The following COPG2 variants were observed in gnomAD, a reference collection of about 807,000 sequenced individuals.
COPG2 encodes the protein coat protein complex I subunit gamma 2.
Under a neutral mutation model 46.3 loss-of-function variants are expected in COPG2, and 37 were observed. The observed-to-expected ratio is 0.80, with a 90% CI of 0.61 to 1.05. The LOEUF is 1.05. COPG2 is among the 50% of genes least tolerant of loss of function. The pLI is 0.00. For synonymous variants in COPG2, 159 were observed against 129.7 expected (o/e 1.23, Z -1.53); for missense variants, 427 against 387.8 (o/e 1.10, Z -0.85).
At chr7:130,596,540 A>T (rs1794528801) in intron 9 of COPG2, among the ~76,000 whole-genome samples, 1 of 152,182 alleles carries the variant, frequency 6.6e-6, no homozygotes, top group Non-Finnish European at 1.5e-5. Flanking sequence ...GCAAAGCCCC[A>T]GGGGCCATGG....
intron 9 of COPG2, among the ~76,000 whole-genome samples, chr7:130,583,787 C>A (rs1166788326): frequency 4.7e-5 from 5 of 106,252 alleles, no homozygotes; most frequent in African/African-American, 1.9e-4. Context: ...AGACTGGCAA[C>A]AGAGCGAGAC....
At chr7:130,509,641 C>T (rs372120525) in intron 20 of COPG2, 207 of 511,564 alleles carry the variant, frequency 4.0e-4, no homozygotes, top group African/African-American at 3.3e-3. Flanking sequence ...TACATGTTGA[C>T]ATTACACGTA....
chr7:130,571,667 A>G (rs36153397), intron 9 of COPG2, among the ~76,000 whole-genome samples: 64,275 of 152,004 alleles, frequency 0.42, 16,536 homozygotes, highest in East Asian at 0.6. Flanking sequence ...AAGTAGATCT[A>G]CCATTATCCA....
intron 5 of COPG2, among the ~76,000 whole-genome samples, chr7:130,635,264 G>C (rs1473822396): frequency 6.6e-6 from 1 of 151,944 alleles, no homozygotes; most frequent in African/African-American, 2.4e-5. Flanking sequence ...TCTATTGTTT[G>C]GAGCAGTTTC....
At chr7:130,571,702 C>T (rs1426413291) in intron 9 of COPG2, among the ~76,000 whole-genome samples, 1 of 151,958 alleles carries the variant, frequency 6.6e-6, no homozygotes, top group Non-Finnish European at 1.5e-5. Flanking sequence ...GGGTATCTAC[C>T]CAGAGGAAAA....
In COPG2 at chr7:130,532,798, C is replaced by G. The variant is rs1228437767; in HGVS notation, c.2149+14876G>C. Among the ~76,000 whole-genome samples, 8 of 152,186 alleles carry G rather than the reference C, an allele frequency of 5.3e-5. No homozygotes were observed. In the East Asian group the frequency reaches 1.2e-3, roughly 22 times the overall value. ...GCATGGACAGCAGAGGAGGTGGATT[C>G]GGTGCAGTACGTGTGACGCAGAGAT... On this transcript the variant is annotated intron_variant, in intron 20 of 23. Transcript: ENST00000425248.
chr7:130,578,083 G>A (rs1554446579), intron 9 of COPG2, among the ~76,000 whole-genome samples: 1 of 152,170 alleles, frequency 6.6e-6, no homozygotes, highest in Non-Finnish European at 1.5e-5. Context: ...AACCTCTGCA[G>A]ACTTAAATGT....
chr7:130,520,302 C>T (rs1376263636), intron 20 of COPG2, among the ~76,000 whole-genome samples: 3 of 151,882 alleles, frequency 2.0e-5, no homozygotes. Flanking sequence ...AGTTAAGCAA[C>T]TGAGAAGACC....
intron 4 of COPG2, among the ~76,000 whole-genome samples, chr7:130,654,951 C>T (rs983152698): frequency 4.3e-4 from 65 of 151,654 alleles, no homozygotes; most frequent in African/African-American, 1.5e-3. Context: ...GTATTTGGAT[C>T]TCTTTGTATC....
Position 130,552,412 on chromosome 7 carries a change from G to T in COPG2, c.1487C>A (p.Ala496Asp). The T allele has an allele frequency of 2.5e-6, 1 of 398,136 alleles. No homozygotes were observed. Among genetic ancestry groups the T allele is most frequent in the Non-Finnish European group, 4.4e-6 (1 of 225,868 alleles). The allele number at this position is 398,136 out of a possible 1,614,324, so 24.7% of individuals were successfully genotyped here. ...ACTCTCATTCTGAGCCCCAAATTTA[G>T]CCAAAGCACTCACAGCAGCTATAAT... ...AVRAAAVSAL[A>D]KFGAQNESLL... Residue 496 changes from alanine (A) to aspartate (D), a missense_variant, in exon 15 of 24, where the codon GCT (alanine) becomes GAT (aspartate). Ala to Asp is a moderately radical substitution (Grantham distance 126, BLOSUM62 -2). Coordinates refer to ENST00000425248, the MANE Select transcript of COPG2 (RefSeq NM_012133.6).
At chr7:130,552,565 G>C (rs1306648504) in intron 14 of COPG2, 135 bp from the exon 15 acceptor site, 2 of 392,196 alleles carry the variant, frequency 5.1e-6, no homozygotes, top group Non-Finnish European at 9.0e-6. Flanking sequence ...AGTGTTTCTT[G>C]ATCTTATTTC....
chr7:130,646,462 C>T (rs1795596190), intron 5 of COPG2, among the ~76,000 whole-genome samples: 1 of 151,732 alleles, frequency 6.6e-6, no homozygotes, highest in Non-Finnish European at 1.5e-5. Flanking sequence ...TCAATTTTAG[C>T]AGAATTGATG....
At chr7:130,587,436 G>C (rs979401456) in intron 9 of COPG2, among the ~76,000 whole-genome samples, 3 of 152,024 alleles carry the variant, frequency 2.0e-5, no homozygotes, top group African/African-American at 7.2e-5. Context: ...TTCTGTTAAT[G>C]TTAAATGCAA....
chr7:130,633,224 T>C (rs1215068819), intron 5 of COPG2, among the ~76,000 whole-genome samples: 1 of 152,230 alleles, frequency 6.6e-6, no homozygotes, highest in African/African-American at 2.4e-5. Flanking sequence ...TGTGTCTTTA[T>C]AGCAGAATGA....
intron 5 of COPG2, among the ~76,000 whole-genome samples, chr7:130,637,763 C>T (rs1381449753): frequency 1.3e-5 from 2 of 152,144 alleles, no homozygotes; most frequent in African/African-American, 2.4e-5. Context: ...GTTTTGTTCC[C>T]TTGTTGGCAA....
chr7:130,578,195 C>T (rs1317494743), intron 9 of COPG2, among the ~76,000 whole-genome samples: 1 of 149,010 alleles, frequency 6.7e-6, no homozygotes, highest in Non-Finnish European at 1.5e-5. Flanking sequence ...TGACCCCTGA[C>T]CCCCGAGCAG....
At position 130,587,038 on chromosome 7, in the gene COPG2, GGCTCAC is replaced by G. The variant is rs367913607; in HGVS notation, c.738-22651_738-22646del. Among the ~76,000 whole-genome samples, 1,209 of 151,982 alleles carry G rather than the reference GGCTCAC, an allele frequency of 8.0e-3. 21 individuals carry two copies. The highest frequency in any genetic ancestry group is 0.011 in the Non-Finnish European group (741 of 67,950). ...AAAATACCATTCAGCTGGGCGTGGT[GGCTCAC>G]GCTTGTAATCCTAGCACTTTAGGAG... is the stretch of plus-strand genomic sequence containing the variant. On this transcript the variant is annotated intron_variant, in intron 9 of 23. Transcript: ENST00000425248.
chr7:130,624,137 G>A (rs1220730285), intron 5 of COPG2, among the ~76,000 whole-genome samples: 1 of 151,976 alleles, frequency 6.6e-6, no homozygotes, highest in South Asian at 2.1e-4. Flanking sequence ...TTTCATAAGG[G>A]CACTAATTCC....
chr7:130,656,599 T>C (rs1795858751), intron 4 of COPG2, among the ~76,000 whole-genome samples: 1 of 152,090 alleles, frequency 6.6e-6, no homozygotes, highest in Non-Finnish European at 1.5e-5. Context: ...ACAGCTGCAA[T>C]AGTGAACTCT....
Sources: gnomAD v4.1 joint callset for allele counts (sites outside exome capture counted in the v4.1 genomes callset) on GRCh38, gnomAD v4.1.1 for gene constraint, MANE v1.5 for transcripts, NCBI Gene and HGNC (gene_info 2026-07-23, HGNC 2026-07-21) for gene names.